SLC25A30: variants seen among roughly 807,000 people sequenced by gnomAD.
SLC25A30 encodes the protein solute carrier family 25 member 30.
Under a neutral mutation model 42.7 loss-of-function variants are expected in SLC25A30, and 29 were observed. The observed-to-expected ratio is 0.68, with a 90% confidence interval of 0.51 to 0.93. The LOEUF (loss-of-function observed/expected upper bound fraction) is 0.93. SLC25A30 is among the 40% of genes least tolerant of loss of function. SLC25A30 has a pLI of 0.00. For synonymous variants in SLC25A30, 124 were observed against 131.0 expected (o/e 0.95, Z 0.37); for missense variants, 300 against 359.7 (o/e 0.83, Z 1.34).
upstream of SLC25A30, among the ~76,000 whole-genome samples, chr13:45,418,985 G>T (rs1311033319): frequency 7.6e-5 from 3 of 39,364 alleles, no homozygotes; most frequent in Non-Finnish European, 1.1e-4. Flanking sequence ...AAAAAAAAAA[G>T]CCAGACCTGG....
At chr13:45,416,765 C>A (rs755539896) in intron 1 of SLC25A30, among the ~76,000 whole-genome samples, 3 of 152,106 alleles carry the variant, frequency 2.0e-5, no homozygotes, top group Non-Finnish European at 2.9e-5. Context: ...CAGAGCAAGA[C>A]CCTGTCCCAA....
At chr13:45,422,140 A>ACACTAT (rs1175763186), upstream of SLC25A30, among the ~76,000 whole-genome samples, 2 of 152,180 alleles carry the variant, frequency 1.3e-5, no homozygotes, top group Admixed American at 1.3e-4. Flanking sequence ...ATATAGTGGC[A>ACACTAT]ATAAATAACA....
Position 45,394,082 on chromosome 13 carries a change from T to C in SLC25A30, c.*1892A>G. 1.0e-6 allele frequency: 1 copy of C among 985,342 alleles called. No individual in the cohort carries two copies. Among genetic ancestry groups the C allele is most frequent in the Non-Finnish European group, 1.2e-6 (1 of 829,904 alleles). 61.0% of individuals were successfully genotyped at this position (985,342 alleles called of 1,614,324 possible). On this transcript the variant is annotated 3_prime_UTR_variant, in exon 10 of 10. Transcript: ENST00000519676. The stretch of plus-strand genomic sequence containing the variant: ...CTATAGAAAGTCTTTATAAAATCAA[T>C]GGAATGTTTTGGAAAGAAGAAAAAA...
At chr13:45,423,723 T>TATATAAATATATATAAAC in the SLC25A30 span, among the ~76,000 whole-genome samples, 2 of 12,144 alleles carry the variant, frequency 1.6e-4, 1 homozygote, top group African/African-American at 1.0e-3. Context: ...CATATATAAA[T>TATATAAATATATATAAAC]ATATATAAAT....
At chr13:45,430,770 G>T in the SLC25A30 span, among the ~76,000 whole-genome samples, 2 of 152,118 alleles carry the variant, frequency 1.3e-5, no homozygotes, top group Non-Finnish European at 2.9e-5. Flanking sequence ...TCATGCCACT[G>T]CACTTCAGTC....
rs146926560 is a variant in SLC25A30, at chr13:45,400,414, C to T, written c.614+669G>A. On this transcript the variant is annotated intron_variant, in intron 7 of 9. Coordinates refer to ENST00000519676, the MANE Select transcript of SLC25A30 (RefSeq NM_001010875.4). ...TCCAGCCTGGGTAACAGTGAGACCC[C>T]GTCTCACATAAATAAATAAATAAAG... Among the ~76,000 whole-genome samples the T allele has an allele frequency of 1.5e-3, 233 of 152,116 alleles. 1 individual carries two copies. The highest frequency in any genetic ancestry group is 4.0e-3 in the African/African-American group (167 of 41,504).
intron 3 of SLC25A30, among the ~76,000 whole-genome samples, chr13:45,408,240 A>G (rs565420351): frequency 1.3e-5 from 2 of 152,336 alleles, no homozygotes; most frequent in Admixed American, 1.3e-4. Flanking sequence ...CACCCCAGCT[A>G]CTACTGTCAT....
chr13:45,401,345 C>T (rs1208296361), intron 6 of SLC25A30, 138 bp from the exon 7 acceptor site: 2 of 852,126 alleles, frequency 2.3e-6, no homozygotes, highest in East Asian at 2.7e-5. Flanking sequence ...TGTAGAGTGA[C>T]AGAGCGGAAA....
the SLC25A30 span, among the ~76,000 whole-genome samples, chr13:45,424,775 TATATAAATATATAAAAGA>T: frequency 1.7e-4 from 10 of 59,948 alleles, 2 homozygotes; most frequent in African/African-American, 4.2e-4. Context: ...TAAATATATA[TATATAAATATATAAAAGA>T]ATATAAATAT....
chr13:45,419,571 G>A (rs1453567325), upstream of SLC25A30, among the ~76,000 whole-genome samples: 8 of 150,064 alleles, frequency 5.3e-5, no homozygotes, highest in East Asian at 1.4e-3. Flanking sequence ...CGCCTGCCTC[G>A]GCCTCCCAAA....
chr13:45,432,992 G>A, the SLC25A30 span, among the ~76,000 whole-genome samples: 80 of 145,360 alleles, frequency 5.5e-4, no homozygotes, highest in Middle Eastern at 3.8e-3. Flanking sequence ...GAGCCGTATC[G>A]TGCCATTGCA....
chr13:45,419,149 A>G (rs200522034), upstream of SLC25A30, among the ~76,000 whole-genome samples: 20 of 143,194 alleles, frequency 1.4e-4, no homozygotes, highest in South Asian at 2.2e-4. Context: ...AAAAAAAAAA[A>G]AAGAAAGAAA....
At chr13:45,401,301 T>C in intron 6 of SLC25A30, 94 bp from the exon 7 acceptor site, 1 of 1,305,550 alleles carries the variant, frequency 7.7e-7, no homozygotes, top group South Asian at 1.4e-5. Flanking sequence ...TAAACTATGA[T>C]CAAGGTTTAT....
intron 9 of SLC25A30, chr13:45,396,348 T>C: frequency 3.3e-6 from 3 of 918,130 alleles, no homozygotes; most frequent in Non-Finnish European, 2.8e-6. Flanking sequence ...GAGAGAGAGT[T>C]AGCAAGCCCT....
At chr13:45,399,189 G>A in intron 7 of SLC25A30, 111 bp from the exon 8 acceptor site, 1 of 1,187,380 alleles carries the variant, frequency 8.4e-7, no homozygotes, top group Non-Finnish European at 1.2e-6. Context: ...TCTTGTTTGT[G>A]GTTTTCGTGT....
At chr13:45,425,903 G>A in the SLC25A30 span, among the ~76,000 whole-genome samples, 1,299 of 147,152 alleles carry the variant, frequency 8.8e-3, 19 homozygotes, top group African/African-American at 0.03. Context: ...ATGTTGGCCA[G>A]GCTGGTCTTG....
the SLC25A30 span, among the ~76,000 whole-genome samples, chr13:45,423,767 A>AAATATATAC: frequency 4.1e-5 from 1 of 24,442 alleles, no homozygotes; most frequent in Non-Finnish European, 6.8e-5. Context: ...TAAATATATA[A>AAATATATAC]AAATATATAA....
Position 45,393,688 on chromosome 13 carries a change from T to G in SLC25A30, c.*2286A>C. ...TCTCCCAATTCCTTAAGTTGTTTCT[T>G]GGTTAGAAGCTTCAACAATTGCATT... On this transcript the variant is annotated 3_prime_UTR_variant, in exon 10 of 10. Coordinates refer to ENST00000519676, the MANE Select transcript of SLC25A30 (RefSeq NM_001010875.4). The G allele has an allele frequency of 4.1e-6, 4 of 985,442 alleles. No homozygotes were observed. The highest frequency in any genetic ancestry group is 4.8e-6 in the Non-Finnish European group (4 of 829,928). The allele number at this position is 985,442 out of a possible 1,614,324, so 61.0% of individuals were successfully genotyped here.
chr13:45,409,098 C>A (rs764167986), intron 2 of SLC25A30, 24 bp from the exon 3 acceptor site: 4 of 1,565,880 alleles, frequency 2.6e-6, no homozygotes, highest in Non-Finnish European at 3.5e-6. Context: ...AAGAAATTCA[C>A]TTAATAAAAA....
Sources: gnomAD v4.1 joint callset for allele counts (sites outside exome capture counted in the v4.1 genomes callset) on GRCh38, gnomAD v4.1.1 for gene constraint, MANE v1.5 for transcripts, NCBI Gene and HGNC (gene_info 2026-07-23, HGNC 2026-07-21) for gene names.